Variants in CSMD1 observed in about 807,000 individuals in gnomAD.
The protein encoded by CSMD1 is CUB and sushi domain-containing protein 1.
CSMD1 carries 213 observed loss-of-function variants against 417.5 expected under a neutral mutation model. The observed-to-expected ratio is 0.51, with a 90% CI of 0.46 to 0.57. The LOEUF is 0.57. Ranked by LOEUF, CSMD1 falls within the 20% of genes least tolerant of loss-of-function variation. The pLI is 0.00. For synonymous variants in CSMD1, 2,862 were observed against 1,736.8 expected (o/e 1.65, Z -16.11); for missense variants, 6,923 against 4,529.7 (o/e 1.53, Z -15.17).
intron 1 of CSMD1, among the ~76,000 whole-genome samples, chr8:4,956,199 G>A (rs547027473): frequency 6.6e-6 from 1 of 151,170 alleles, no homozygotes; most frequent in East Asian, 2.0e-4. Flanking sequence ...CTGGAGATTT[G>A]TTTTCTTTTT....
At chr8:3,209,570 C>T (rs1023684391) in intron 30 of CSMD1, among the ~76,000 whole-genome samples, 4 of 152,218 alleles carry the variant, frequency 2.6e-5, no homozygotes, top group South Asian at 2.1e-4. Context: ...CCGCCTGCCT[C>T]GGCCTCCCAA....
intron 1 of CSMD1, among the ~76,000 whole-genome samples, chr8:4,964,893 G>A (rs1294679949): frequency 6.6e-6 from 1 of 152,296 alleles, no homozygotes; most frequent in Middle Eastern, 3.4e-3. Context: ...CTGGAGCGGA[G>A]TTTGGGGAGC....
intron 23 of CSMD1, among the ~76,000 whole-genome samples, chr8:3,320,183 T>C (rs1243232493): frequency 6.6e-6 from 1 of 152,130 alleles, no homozygotes; most frequent in South Asian, 2.1e-4. Context: ...ATAATGACGA[T>C]TATAAGAGTC....
At chr8:3,684,212 TAATATATAACATA>T (rs1799818296) in intron 7 of CSMD1, among the ~76,000 whole-genome samples, 4 of 143,070 alleles carry the variant, frequency 2.8e-5, no homozygotes, top group Admixed American at 1.5e-4. Context: ...TAATTATATA[TAATATATAACATA>T]ATATATAATA....
intron 1 of CSMD1, among the ~76,000 whole-genome samples, chr8:4,672,382 C>G (rs1173240971): frequency 1.3e-5 from 2 of 152,096 alleles, no homozygotes; most frequent in East Asian, 3.9e-4. Flanking sequence ...GACTTAGAGC[C>G]TGTTCACATT....
intron 2 of CSMD1, among the ~76,000 whole-genome samples, chr8:4,623,808 AGAAAACAGTTCAGTGGTGTGCTGG>A (rs1801926823): frequency 2.6e-5 from 4 of 152,100 alleles, no homozygotes; most frequent in African/African-American, 9.7e-5. Flanking sequence ...TCATAGTGAC[AGAAAACAGTTCAGTGGTGTGCTGG>A]CAACAAAACT....
At chr8:3,608,658 G>T (rs1456378527) in intron 8 of CSMD1, among the ~76,000 whole-genome samples, 2 of 151,782 alleles carry the variant, frequency 1.3e-5, no homozygotes, top group Admixed American at 1.3e-4. Context: ...CAGCTACTCA[G>T]GAGGCTGAGG....
chr8:3,136,489 T>C (rs922851259), intron 41 of CSMD1, among the ~76,000 whole-genome samples: 3 of 152,074 alleles, frequency 2.0e-5, no homozygotes, highest in Non-Finnish European at 4.4e-5. Flanking sequence ...GATCTCCGAC[T>C]CCTGACTTCA....
chr8:3,538,488 CCTCACCTGCGA>C (rs1798299269), intron 10 of CSMD1, among the ~76,000 whole-genome samples: 1 of 151,870 alleles, frequency 6.6e-6, no homozygotes, highest in Admixed American at 6.6e-5. Flanking sequence ...ACCTGAGATG[CCTCACCTGCGA>C]TGCCTCACCT....
intron 7 of CSMD1, among the ~76,000 whole-genome samples, chr8:3,696,239 G>C (rs562291335): frequency 6.6e-6 from 1 of 152,192 alleles, no homozygotes; most frequent in Non-Finnish European, 1.5e-5. Context: ...AGGCAATTTA[G>C]ACAGGCACAT....
At chr8:4,275,950 T>C (rs1232929886) in intron 3 of CSMD1, among the ~76,000 whole-genome samples, 1 of 152,122 alleles carries the variant, frequency 6.6e-6, no homozygotes, top group Non-Finnish European at 1.5e-5. Context: ...AAACCATGAA[T>C]AGTTAAAAAG....
chr8:3,076,885 A>G (rs907279546), intron 49 of CSMD1, among the ~76,000 whole-genome samples: 1 of 152,032 alleles, frequency 6.6e-6, no homozygotes, highest in Non-Finnish European at 1.5e-5. Context: ...GTACATGTGC[A>G]TTTTGCTACC....
At chr8:4,202,939 T>A (rs1021358789) in intron 3 of CSMD1, among the ~76,000 whole-genome samples, 3 of 152,108 alleles carry the variant, frequency 2.0e-5, no homozygotes, top group African/African-American at 7.2e-5. Flanking sequence ...GTTGGCCTTA[T>A]CTCTTTTTGC....
chr8:4,775,349 C>T lies in CSMD1; in HGVS notation c.86-137791G>A, dbSNP rs138699709. Among the ~76,000 whole-genome samples, 358 of 152,108 alleles carry T rather than the reference C, an allele frequency of 2.4e-3. 1 individual carries two copies. The highest frequency in any genetic ancestry group is 7.9e-3 in the African/African-American group (330 of 41,510). The stretch of plus-strand genomic sequence containing the variant: ...CAGTGAATAGATGGAAGGAACACTA[C>T]GAATTTTTATAGAAAAGTGTTATTC... On this transcript the variant is annotated intron_variant, in intron 1 of 69. Coordinates refer to ENST00000635120, the MANE Select transcript of CSMD1 (RefSeq NM_033225.6).
intron 1 of CSMD1, among the ~76,000 whole-genome samples, chr8:4,901,987 ACAT>A (rs1804901305): frequency 6.6e-6 from 1 of 152,208 alleles, no homozygotes. Context: ...TCAACCTCAA[ACAT>A]CATTTAAGAG....
intron 3 of CSMD1, among the ~76,000 whole-genome samples, chr8:4,191,393 C>G (rs952770456): frequency 4.0e-5 from 6 of 151,784 alleles, no homozygotes; most frequent in African/African-American, 1.2e-4. Flanking sequence ...AAGACTCTGT[C>G]TCAGAAAAAA....
chr8:3,519,607 G>A (rs534127026), intron 10 of CSMD1, among the ~76,000 whole-genome samples: 3 of 152,150 alleles, frequency 2.0e-5, no homozygotes, highest in Admixed American at 6.6e-5. Context: ...AGAAAGGGAT[G>A]AGGCAATGTG....
intron 5 of CSMD1, among the ~76,000 whole-genome samples, chr8:3,897,187 A>G (rs1221648787): frequency 1.3e-5 from 2 of 152,194 alleles, no homozygotes; most frequent in Non-Finnish European, 2.9e-5. Context: ...TAGTAGCACA[A>G]TGGTGTCAAG....
At chr8:3,700,282 A>G (rs373731028) in intron 7 of CSMD1, among the ~76,000 whole-genome samples, 1 of 152,222 alleles carries the variant, frequency 6.6e-6, no homozygotes, top group Non-Finnish European at 1.5e-5. Context: ...ATTTTTTACA[A>G]AAGAAAATAT....
Sources: gnomAD v4.1 joint callset for allele counts (sites outside exome capture counted in the v4.1 genomes callset) on GRCh38, gnomAD v4.1.1 for gene constraint, MANE v1.5 for transcripts, NCBI Gene and HGNC (gene_info 2026-07-23, HGNC 2026-07-21) for gene names.